Variants in ATP6V1E1 observed in about 807,000 individuals in gnomAD.
ATP6V1E1 encodes V-type proton ATPase subunit E 1.
Under a neutral mutation model 35.2 loss-of-function variants are expected in ATP6V1E1, and 21 were observed. The observed-to-expected ratio is 0.60, with a 90% confidence interval of 0.42 to 0.86. ATP6V1E1 has a LOEUF of 0.86. ATP6V1E1 is among the 40% of genes least tolerant of loss of function. The pLI, the probability that ATP6V1E1 is intolerant of heterozygous loss-of-function variation, is 0.00. For missense variants in ATP6V1E1, 183 were observed against 272.6 expected, an observed-to-expected ratio of 0.67 and a Z score of 2.32; for synonymous variants, 83 against 87.8, an observed-to-expected ratio of 0.95 and a Z score of 0.30.
chr22:17,614,954 C>CA (rs59961282), intron 2 of ATP6V1E1, among the ~76,000 whole-genome samples: 51,465 of 137,620 alleles, frequency 0.37, 9,310 homozygotes, highest in African/African-American at 0.46. Flanking sequence ...GACACCGTTT[C>CA]AAAAAAAAAA....
At chr22:17,627,190 C>T (rs566524601) in intron 1 of ATP6V1E1, among the ~76,000 whole-genome samples, 18 of 151,682 alleles carry the variant, frequency 1.2e-4, no homozygotes, top group Admixed American at 1.1e-3. Flanking sequence ...GAGGGAGTCT[C>T]GCTCTGCCGC....
chr22:17,592,716 T>C lies in ATP6V1E1; in HGVS notation c.639A>G (p.Gly213=). ...TGTTGGCATTTGCACCAAACAAGGC[T>C]CCCCGGACTTCTGGCATCATCTGTG... The part of the protein sequence containing the change: ...IAQQMMPEVR[G]ALFGANANRK... The change falls in exon 9 of 9, where the codon GGA becomes GGG. Residue 213 remains glycine, a synonymous_variant. Transcript: ENST00000253413. 1 of 1,613,160 alleles carries C rather than the reference T, an allele frequency of 6.2e-7. No individual in the cohort carries two copies.
chr22:17,614,628 C>T (rs182169787), intron 2 of ATP6V1E1, among the ~76,000 whole-genome samples: 4 of 149,788 alleles, frequency 2.7e-5, no homozygotes, highest in South Asian at 2.1e-4. Context: ...GCTGAGATCA[C>T]GCCATTGCAC....
chr22:17,619,534 G>A lies in ATP6V1E1; in HGVS notation c.34-8C>T, dbSNP rs1601394148. 2 of 1,567,142 alleles carry A rather than the reference G, an allele frequency of 1.3e-6. No individual in the cohort carries two copies. The highest frequency in any genetic ancestry group is 2.3e-4 in the Middle Eastern group (1 of 4,306). On this transcript the variant is annotated splice_polypyrimidine_tract_variant and splice_region_variant and intron_variant, in intron 1 of 8. Coordinates refer to ENST00000253413, the MANE Select transcript of ATP6V1E1 (RefSeq NM_001696.4). ...AGCCATCATATGCTTTATCTATAAG[G>A]AAAAAAAGTTTTATTTTTTAGTTCA...
At chr22:17,596,861 G>A (rs1396158941) in intron 7 of ATP6V1E1, among the ~76,000 whole-genome samples, 5 of 151,952 alleles carry the variant, frequency 3.3e-5, no homozygotes, top group Non-Finnish European at 7.4e-5. Context: ...GATGAATTCA[G>A]TCTCCAGGTC....
At chr22:17,609,464 CTTTTTTTTTT>C (rs61116267) in intron 4 of ATP6V1E1, among the ~76,000 whole-genome samples, 12,662 of 90,732 alleles carry the variant, frequency 0.14, 735 homozygotes, top group African/African-American at 0.22. Flanking sequence ...CCATCCTGCT[CTTTTTTTTTT>C]TTTTTTTTTT....
intron 1 of ATP6V1E1, among the ~76,000 whole-genome samples, chr22:17,621,944 C>G (rs2057879850): frequency 6.6e-6 from 1 of 152,142 alleles, no homozygotes; most frequent in South Asian, 2.1e-4. Context: ...AGATCACCGG[C>G]TACAATTGGA....
intron 4 of ATP6V1E1, among the ~76,000 whole-genome samples, chr22:17,608,723 T>G (rs2057798189): frequency 1.3e-5 from 2 of 152,238 alleles, no homozygotes; most frequent in African/African-American, 4.8e-5. Context: ...CCATGGCACC[T>G]GGCTAGCCCA....
intron 2 of ATP6V1E1, among the ~76,000 whole-genome samples, chr22:17,616,769 C>CTATCACCAT: frequency 7.7e-6 from 1 of 129,620 alleles, no homozygotes; most frequent in African/African-American, 3.0e-5. Flanking sequence ...ATACAAGAGG[C>CTATCACCAT]CAGGCGCGGT....
At chr22:17,615,997 A>G (rs919829521) in intron 2 of ATP6V1E1, among the ~76,000 whole-genome samples, 2 of 150,996 alleles carry the variant, frequency 1.3e-5, no homozygotes, top group Admixed American at 1.3e-4. Flanking sequence ...GTGCCATTGC[A>G]CTCCAGCCCG....
intron 2 of ATP6V1E1, among the ~76,000 whole-genome samples, chr22:17,616,552 G>A (rs1436555915): frequency 6.6e-6 from 1 of 151,416 alleles, no homozygotes; most frequent in Admixed American, 6.6e-5. Context: ...GATGGCATGC[G>A]CCTGTAGTCC....
intron 6 of ATP6V1E1, 120 bp downstream of exon 6, chr22:17,599,907 C>A (rs2057753589): frequency 5.2e-6 from 4 of 772,678 alleles, no homozygotes; most frequent in Non-Finnish European, 6.1e-6. Context: ...TCCTGGACAA[C>A]AGAGTGAGAC....
At chr22:17,600,241 C>T (rs1443629309) in intron 5 of ATP6V1E1, 146 bp from the exon 6 acceptor site, 1 of 652,288 alleles carries the variant, frequency 1.5e-6, no homozygotes, top group Non-Finnish European at 2.7e-6. Context: ...TCGAGACCAG[C>T]CTAGGCAACA....
At chr22:17,614,629 G>A (rs893752324) in intron 2 of ATP6V1E1, among the ~76,000 whole-genome samples, 12 of 149,220 alleles carry the variant, frequency 8.0e-5, no homozygotes, top group Non-Finnish European at 1.2e-4. Context: ...CTGAGATCAC[G>A]CCATTGCACT....
chr22:17,619,596 G>A (rs1410812972), intron 1 of ATP6V1E1, 70 bp from the exon 2 acceptor site: 8 of 1,312,416 alleles, frequency 6.1e-6, no homozygotes, highest in Non-Finnish European at 8.4e-6. Flanking sequence ...CATTGAACAA[G>A]TAATCATAGG....
At chr22:17,613,436 A>G in intron 2 of ATP6V1E1, 116 bp from the exon 3 acceptor site, 1 of 746,152 alleles carries the variant, frequency 1.3e-6, no homozygotes. Flanking sequence ...TAAAACAGAA[A>G]ATTTATTGTG....
At chr22:17,618,854 G>A (rs1451161334) in intron 2 of ATP6V1E1, among the ~76,000 whole-genome samples, 2 of 152,028 alleles carry the variant, frequency 1.3e-5, no homozygotes, top group Non-Finnish European at 2.9e-5. Flanking sequence ...ACAAAAATTA[G>A]ACAGGTGTGA....
Position 17,600,113 on chromosome 22 carries a change from T to C in ATP6V1E1, c.367-18A>G. On this transcript the variant is annotated intron_variant, in intron 5 of 8. Coordinates refer to ENST00000253413, the MANE Select transcript of ATP6V1E1 (RefSeq NM_001696.4). The stretch of plus-strand genomic sequence containing the variant: ...TACAAACCCTGGAAGAAATAGTAGA[T>C]ACAGTCAGTAGAAAATGCAAACTAT... The C allele has an allele frequency of 6.2e-7, 1 of 1,605,040 alleles. No homozygotes were observed. The highest frequency in any genetic ancestry group is 8.5e-7 in the Non-Finnish European group (1 of 1,172,026).
intron 5 of ATP6V1E1, 31 bp downstream of exon 5, chr22:17,601,061 T>C: frequency 1.3e-6 from 2 of 1,577,186 alleles, no homozygotes; most frequent in Non-Finnish European, 1.7e-6. Flanking sequence ...GAACTGTGGC[T>C]ATCAACAGTA....
Sources: gnomAD v4.1 joint callset for allele counts (sites outside exome capture counted in the v4.1 genomes callset) on GRCh38, gnomAD v4.1.1 for gene constraint, MANE v1.5 for transcripts, NCBI Gene and HGNC (gene_info 2026-07-23, HGNC 2026-07-21) for gene names.